CTNNBIP1: variants seen among roughly 807,000 people sequenced by gnomAD.
CTNNBIP1 encodes the protein catenin beta interacting protein 1, also known as beta-catenin-interacting protein 1.
Under a neutral mutation model 11.8 loss-of-function variants are expected in CTNNBIP1, and 7 were observed. The observed-to-expected ratio is 0.60, with a 90% CI of 0.34 to 1.12. CTNNBIP1 has a LOEUF of 1.12. Among genes scored for constraint, CTNNBIP1 ranks in the 50% most tolerant of loss-of-function variants. CTNNBIP1 has a pLI of 0.03. For synonymous variants in CTNNBIP1, 58 were observed against 43.9 expected, an observed-to-expected ratio of 1.32 and a Z score of -1.26; for missense variants, 101 against 113.4, an observed-to-expected ratio of 0.89 and a Z score of 0.50.
At chr1:9,908,272 T>C (rs1221802940) in intron 1 of CTNNBIP1, among the ~76,000 whole-genome samples, 1 of 152,010 alleles carries the variant, frequency 6.6e-6, no homozygotes, top group Non-Finnish European at 1.5e-5. Flanking sequence ...TTGGTCAGGA[T>C]GGTCTCGAAC....
At chr1:9,906,511 A>AT (rs1639623384) in intron 1 of CTNNBIP1, among the ~76,000 whole-genome samples, 1 of 152,110 alleles carries the variant, frequency 6.6e-6, no homozygotes, top group South Asian at 2.1e-4. Flanking sequence ...GTGAGCCAAG[A>AT]TTGTGCTATT....
At position 9,895,445 on chromosome 1, in the gene CTNNBIP1, G is replaced by A. The variant is rs1279024309; in HGVS notation, c.-143-11707C>T. ...ACTCCTGACTTCACGTGATCCGCCC[G>A]CCTCAGCCTCCCAAAGTGCTGGGAT... is the stretch of plus-strand genomic sequence containing the variant. On this transcript the variant is annotated intron_variant, in intron 1 of 5. Transcript: ENST00000377263. Among the ~76,000 whole-genome samples, 8 of 151,992 alleles carry A rather than the reference G, an allele frequency of 5.3e-5. No individual in the cohort carries two copies. In the East Asian group the frequency reaches 7.7e-4, roughly 15 times the overall value.
chr1:9,887,823 G>T (rs1639216734), intron 1 of CTNNBIP1, among the ~76,000 whole-genome samples: 1 of 151,738 alleles, frequency 6.6e-6, no homozygotes, highest in South Asian at 2.1e-4. Context: ...TATACCAATA[G>T]AAATTAATTA....
intron 3 of CTNNBIP1, among the ~76,000 whole-genome samples, chr1:9,875,054 G>A (rs951973834): frequency 6.6e-6 from 1 of 152,048 alleles, no homozygotes; most frequent in Non-Finnish European, 1.5e-5. Flanking sequence ...ACTAGGTGTC[G>A]CCAAACACAA....
chr1:9,875,152 C>T (rs955772091), intron 3 of CTNNBIP1, among the ~76,000 whole-genome samples: 2 of 152,192 alleles, frequency 1.3e-5, no homozygotes, highest in East Asian at 1.9e-4. Context: ...CCTTAGCCGA[C>T]GTGGGAAGCA....
At chr1:9,859,045 C>A (rs915003633) in intron 5 of CTNNBIP1, among the ~76,000 whole-genome samples, 3 of 152,150 alleles carry the variant, frequency 2.0e-5, no homozygotes, top group Non-Finnish European at 4.4e-5. Flanking sequence ...CCCAGGGACA[C>A]CTTGGAGATA....
chr1:9,874,210 C>T (rs1393548561), intron 3 of CTNNBIP1, among the ~76,000 whole-genome samples: 1 of 152,140 alleles, frequency 6.6e-6, no homozygotes, highest in Admixed American at 6.5e-5. Flanking sequence ...ACTGGGTGTC[C>T]CCTAAGCCAG....
rs868505530 is a variant in CTNNBIP1 at position 9,876,646 on chromosome 1, A to G, written c.-25+1259T>C. Among the ~76,000 whole-genome samples the G allele has an allele frequency of 4.6e-5, 7 of 152,222 alleles. No homozygotes were observed. The Middle Eastern group carries it at 0.01, about 222-fold the overall frequency. Reference sequence around the variant, plus strand: ...AACAAAAACAATAAAACAGAAAAGAAACAACAGGCAACTATTAACTATCCA... The same window carrying G: ...AACAAAAACAATAAAACAGAAAAGAGACAACAGGCAACTATTAACTATCCA... On this transcript the variant is annotated intron_variant, in intron 3 of 5. Coordinates refer to ENST00000377263, the MANE Select transcript of CTNNBIP1 (RefSeq NM_020248.3).
At chr1:9,875,484 C>T (rs535392702) in intron 3 of CTNNBIP1, among the ~76,000 whole-genome samples, 1 of 152,366 alleles carries the variant, frequency 6.6e-6, no homozygotes, top group Admixed American at 6.5e-5. Flanking sequence ...GCCCCGTCTT[C>T]CCGGCTGGTG....
At chr1:9,864,303 G>T (rs985361911) in intron 5 of CTNNBIP1, among the ~76,000 whole-genome samples, 1 of 152,198 alleles carries the variant, frequency 6.6e-6, no homozygotes, top group South Asian at 2.1e-4. Flanking sequence ...AGGTCTAGGC[G>T]GGGTCCCTCT....
Position 9,908,475 on chromosome 1 carries a change from G to A in CTNNBIP1, c.-144+1620C>T, listed in dbSNP as rs545607053. 9.6e-5 allele frequency among the ~76,000 whole-genome samples: 14 copies of A among 146,270 alleles called. No individual in the cohort carries two copies. The South Asian group carries it at 2.8e-3, about 30-fold the overall frequency. On this transcript the variant is annotated intron_variant, in intron 1 of 5. Transcript: ENST00000377263. ...TGCAAGTTCCACCTCCCGGGTTCAC[G>A]CCATTCTCCTGCCTCAGCCTCTCCG...
chr1:9,871,369 G>T lies in CTNNBIP1; in HGVS notation c.97-92C>A, dbSNP rs1402159630. On this transcript the variant is annotated intron_variant, in intron 4 of 5. Coordinates refer to ENST00000377263, the MANE Select transcript of CTNNBIP1 (RefSeq NM_020248.3). This position sits in a 1 kb window ranked among gnomAD's most constrained non-coding sequence, Gnocchi z 5.2. ...TAGAGGCACCGCCTAGGCCTGCTTG[G>T]TCCCTGCTTGGTCCCTGCTCGGGCT... is the stretch of plus-strand genomic sequence containing the variant. 2.3e-5 allele frequency: 22 copies of T among 946,114 alleles called. No homozygotes were observed. The South Asian group carries it at 2.8e-4, about 12-fold the overall frequency. The allele number at this position is 946,114 out of a possible 1,614,324, so 58.6% of individuals were successfully genotyped here. A position where few individuals can be genotyped will look rare whatever the true frequency, so the allele number is the denominator to read the frequency against.
In CTNNBIP1 at chr1:9,883,023, C is replaced by T. The variant is rs72858027; in HGVS notation, c.-110+682G>A. On this transcript the variant is annotated intron_variant, in intron 2 of 5. Coordinates refer to ENST00000377263, the MANE Select transcript of CTNNBIP1 (RefSeq NM_020248.3). The surrounding 1 kb of genome is among the most constrained non-coding windows in gnomAD (Gnocchi z 5.6). ...CTCAGGAAGAAAACACGTGCAAGCA[C>T]GGGTGGGGCAGCCGCAGGGCAGGGG... is the stretch of plus-strand genomic sequence containing the variant. 0.035 allele frequency among the ~76,000 whole-genome samples: 5,264 copies of T among 152,150 alleles called. 284 individuals carry two copies. Among genetic ancestry groups the T allele is most frequent in the African/African-American group, 0.12 (4,939 of 41,472 alleles).
chr1:9,874,701 G>A (rs1265501527), intron 3 of CTNNBIP1, among the ~76,000 whole-genome samples: 2 of 152,178 alleles, frequency 1.3e-5, no homozygotes, highest in Non-Finnish European at 2.9e-5. Flanking sequence ...AATACTGCCC[G>A]CTTGGCTAAA....
intron 2 of CTNNBIP1, among the ~76,000 whole-genome samples, chr1:9,880,094 CATTAGGT>C (rs1446830071): frequency 6.6e-6 from 1 of 152,124 alleles, no homozygotes; most frequent in Admixed American, 6.5e-5. Flanking sequence ...GATTCGCATG[CATTAGGT>C]ATTTGTCTTA....
chr1:9,884,327 A>C (rs1469794569), intron 1 of CTNNBIP1, among the ~76,000 whole-genome samples: 2 of 152,128 alleles, frequency 1.3e-5, no homozygotes, highest in African/African-American at 4.8e-5. Context: ...CCCTTGGGGC[A>C]GGGCAGTCTG....
intron 5 of CTNNBIP1, among the ~76,000 whole-genome samples, chr1:9,868,642 T>A (rs1003428792): frequency 1.1e-4 from 17 of 152,330 alleles, no homozygotes; most frequent in African/African-American, 3.8e-4. Flanking sequence ...TATTATTATT[T>A]TTTGAGACAG....
Position 9,872,302 on chromosome 1 carries a change from C to T in CTNNBIP1, c.-24-214G>A, listed in dbSNP as rs780450934. ...CTGAGCAGCTCTGTTCTCCAGCAGG[C>T]GCTGCAAGGGCTGGCCTGCCTGCTG... On this transcript the variant is annotated intron_variant, in intron 3 of 5. Coordinates refer to ENST00000377263, the MANE Select transcript of CTNNBIP1 (RefSeq NM_020248.3). This position sits in a 1 kb window ranked among gnomAD's most constrained non-coding sequence, Gnocchi z 4.0. Among the ~76,000 whole-genome samples the T allele has an allele frequency of 6.6e-5, 10 of 152,190 alleles. No homozygotes were observed. The highest frequency in any genetic ancestry group is 1.3e-4 in the Non-Finnish European group (9 of 68,028).
chr1:9,910,033 AG>A (rs1335695361), intron 1 of CTNNBIP1, 61 bp downstream of exon 1: 1 of 148,018 alleles, frequency 6.8e-6, no homozygotes, highest in Admixed American at 6.7e-5. Flanking sequence ...CGCTCCCCCA[AG>A]CCCCGGCGCG....
Sources: gnomAD v4.1 joint callset for allele counts (sites outside exome capture counted in the v4.1 genomes callset) on GRCh38, gnomAD v4.1.1 for gene constraint, Gnocchi (gnomAD v3.1) non-coding constraint, MANE v1.5 for transcripts, NCBI Gene and HGNC (gene_info 2026-07-23, HGNC 2026-07-21) for gene names.